The following TRAPPC9 variants were observed in gnomAD, a reference collection of about 807,000 sequenced individuals.
TRAPPC9 encodes the protein trafficking protein particle complex subunit 9, also known as IKK2 binding protein.
In TRAPPC9, 83 loss-of-function variants were observed where a neutral mutation model predicts 124.0. The observed-to-expected ratio is 0.67, with a 90% CI of 0.56 to 0.80. The LOEUF is 0.80. Among genes scored for constraint, TRAPPC9 ranks in the 30% least tolerant of loss-of-function variants. TRAPPC9 has a pLI of 0.00. For synonymous variants in TRAPPC9, 638 were observed against 617.5 expected (o/e 1.03, Z -0.49); for missense variants, 1,302 against 1,508.3 (o/e 0.86, Z 2.27).
At chr8:139,740,192 C>T (rs1490102391) in intron 21 of TRAPPC9, among the ~76,000 whole-genome samples, 1 of 152,232 alleles carries the variant, frequency 6.6e-6, no homozygotes, top group African/African-American at 2.4e-5. Context: ...GTCACATCGG[C>T]ACCGGCCCCC....
rs530067572 is a variant in TRAPPC9 at position 139,871,480 on chromosome 8, G to C, written c.3055+14399C>G. Among the ~76,000 whole-genome samples the C allele has an allele frequency of 2.0e-5, 3 of 152,316 alleles. No homozygotes were observed. The South Asian group carries it at 6.2e-4, about 32-fold the overall frequency. Reference sequence around the variant, plus strand: ...GGGTCTGCCCCAGCCCCGCGAGCCAGAAGGCACTAGGAGCACACCAGTTGG... The same window carrying C: ...GGGTCTGCCCCAGCCCCGCGAGCCACAAGGCACTAGGAGCACACCAGTTGG... On this transcript the variant is annotated intron_variant, in intron 21 of 22. Coordinates refer to ENST00000438773, the MANE Select transcript of TRAPPC9 (RefSeq NM_001160372.4).
chr8:140,446,001 T>C (rs560858672), intron 2 of TRAPPC9, among the ~76,000 whole-genome samples: 5 of 152,240 alleles, frequency 3.3e-5, no homozygotes, highest in African/African-American at 1.2e-4. Flanking sequence ...CGTCAACAAA[T>C]GCAGACACTG....
At chr8:139,764,868 G>C (rs1413299342) in intron 21 of TRAPPC9, among the ~76,000 whole-genome samples, 1 of 152,176 alleles carries the variant, frequency 6.6e-6, no homozygotes, top group Non-Finnish European at 1.5e-5. Flanking sequence ...GAGTGAAGAA[G>C]ACACTGAAAC....
chr8:139,764,543 C>A (rs1820451976), intron 21 of TRAPPC9, among the ~76,000 whole-genome samples: 1 of 152,182 alleles, frequency 6.6e-6, no homozygotes, highest in Non-Finnish European at 1.5e-5. Context: ...ATGGCTTTCC[C>A]AGCACTGAGT....
chr8:140,275,996 C>T (rs559950777), intron 14 of TRAPPC9, among the ~76,000 whole-genome samples, 175 bp from the exon 15 acceptor site: 1 of 152,316 alleles, frequency 6.6e-6, no homozygotes, highest in Admixed American at 6.5e-5. Context: ...GGAAAGTGAG[C>T]TGCCACATGC....
chr8:140,252,863 G>A lies in TRAPPC9; in HGVS notation c.2345C>T (p.Pro782Leu). 6.2e-7 allele frequency: 1 copy of A among 1,614,094 alleles called. No individual in the cohort carries two copies. The highest frequency in any genetic ancestry group is 8.5e-7 in the Non-Finnish European group (1 of 1,180,020). Residue 782 changes from proline to leucine, a missense_variant, in exon 16 of 23, where the codon CCT becomes CTT. By Grantham distance (98) the Pro-to-Leu change is moderately conservative. Around this residue, in one of 3 missense-constraint regions of TRAPPC9, gnomAD observed 640 missense variants for 679.3 expected, o/e 0.94. Transcript: ENST00000438773. This position sits in a 1 kb window ranked among gnomAD's most constrained non-coding sequence, Gnocchi z 4.2. ...EETLAQFPLQ[P>L]GKVATFTINI... ...GATTGTGAACGTGGCCACCTTCCCA[G>A]GCTGCAAAGGGAACTGGGCAAGGGT...
chr8:140,116,323 T>C lies in TRAPPC9; in HGVS notation c.2557-92244A>G, dbSNP rs749643338. On this transcript the variant is annotated intron_variant, in intron 17 of 22. Coordinates refer to ENST00000438773, the MANE Select transcript of TRAPPC9 (RefSeq NM_001160372.4). ...ATTTTGCACCTGTTAAAAGAGTCCATGGCCAACTTTCGGAGGCAGGAAATT... is the reference window on the plus strand; with the variant it reads ...ATTTTGCACCTGTTAAAAGAGTCCACGGCCAACTTTCGGAGGCAGGAAATT... Among the ~76,000 whole-genome samples the C allele has an allele frequency of 7.2e-5, 11 of 152,280 alleles. No individual in the cohort carries two copies. The South Asian group carries it at 1.9e-3, about 26-fold the overall frequency.
intron 21 of TRAPPC9, among the ~76,000 whole-genome samples, chr8:139,865,486 A>G (rs1828464690): frequency 6.6e-6 from 1 of 152,226 alleles, no homozygotes; most frequent in African/African-American, 2.4e-5. Flanking sequence ...GGAGTGAGAA[A>G]GAGCCACCCC....
chr8:140,174,313 A>C (rs2062020373), intron 17 of TRAPPC9, among the ~76,000 whole-genome samples: 1 of 151,844 alleles, frequency 6.6e-6, no homozygotes, highest in Non-Finnish European at 1.5e-5. Context: ...CTACACAACC[A>C]ACCCCCATGA....
chr8:139,819,583 A>G (rs1825108435), intron 21 of TRAPPC9, among the ~76,000 whole-genome samples: 1 of 152,202 alleles, frequency 6.6e-6, no homozygotes, highest in South Asian at 2.1e-4. Context: ...TTCAGAGACA[A>G]CTATAGATAA....
At chr8:140,301,537 A>G (rs2065976399) in intron 10 of TRAPPC9, among the ~76,000 whole-genome samples, 1 of 152,210 alleles carries the variant, frequency 6.6e-6, no homozygotes, top group African/African-American at 2.4e-5. Context: ...ACAGTACTAG[A>G]AGGTGCTGTC....
chr8:140,404,680 ATGTG>A (rs538188293), intron 6 of TRAPPC9, among the ~76,000 whole-genome samples: 3 of 151,890 alleles, frequency 2.0e-5, no homozygotes, highest in Admixed American at 2.0e-4. Context: ...GTATGTGAGC[ATGTG>A]TGTGTACGTG....
intron 17 of TRAPPC9, among the ~76,000 whole-genome samples, chr8:140,112,463 C>T (rs1352542517): frequency 6.6e-6 from 1 of 151,480 alleles, no homozygotes; most frequent in Admixed American, 6.6e-5. Flanking sequence ...GAATTCCAGA[C>T]GATGGTGGAC....
At chr8:140,138,144 T>C (rs1031986238) in intron 17 of TRAPPC9, among the ~76,000 whole-genome samples, 24 of 152,138 alleles carry the variant, frequency 1.6e-4, no homozygotes, top group Non-Finnish European at 2.2e-4. Flanking sequence ...CTGCTAAAAA[T>C]ACAAAAATTA....
intron 21 of TRAPPC9, among the ~76,000 whole-genome samples, chr8:139,783,547 A>G (rs1204702910): frequency 1.3e-5 from 2 of 152,348 alleles, no homozygotes; most frequent in African/African-American, 2.4e-5. Flanking sequence ...AACATCCACA[A>G]AGAAACTTCA....
rs77244694 is a variant in TRAPPC9 at position 140,195,816 on chromosome 8, T to A, written c.2556+25643A>T. Among the ~76,000 whole-genome samples, 80 of 148,542 alleles carry A rather than the reference T, an allele frequency of 5.4e-4. No homozygotes were observed. In the South Asian group the frequency reaches 9.5e-3, roughly 18 times the overall value. On this transcript the variant is annotated intron_variant, in intron 17 of 22. Transcript: ENST00000438773. ...ATTCACATACAGACCACACCTGTGATACTAAAACACTCAATGATCCACCAT... is the reference window on the plus strand; with the variant it reads ...ATTCACATACAGACCACACCTGTGAAACTAAAACACTCAATGATCCACCAT...
intron 21 of TRAPPC9, among the ~76,000 whole-genome samples, chr8:139,798,875 G>A (rs369103870): frequency 3.3e-5 from 5 of 152,228 alleles, no homozygotes; most frequent in Admixed American, 6.5e-5. Context: ...CCACCGGGCC[G>A]AGTCAAGGTG....
chr8:140,213,765 C>A (rs1219885147), intron 17 of TRAPPC9, among the ~76,000 whole-genome samples: 1 of 152,226 alleles, frequency 6.6e-6, no homozygotes, highest in East Asian at 1.9e-4. Flanking sequence ...TTAAGGGAGG[C>A]CTGGCCCCGC....
intron 9 of TRAPPC9, among the ~76,000 whole-genome samples, chr8:140,320,010 G>A (rs2066551632): frequency 6.6e-6 from 1 of 152,200 alleles, no homozygotes; most frequent in South Asian, 2.1e-4. Context: ...AGAATAGAAA[G>A]AGGGGAAAGA....
Sources: allele counts gnomAD v4.1 joint callset (sites outside exome capture counted in the v4.1 genomes callset), GRCh38; gene constraint gnomAD v4.1.1; regional missense constraint gnomAD v4.1.1; non-coding constraint Gnocchi (gnomAD v3.1); transcripts MANE v1.5; gene names NCBI Gene and HGNC (gene_info 2026-07-23, HGNC 2026-07-21).